The following TLR8 variants were observed in gnomAD, a reference collection of about 807,000 sequenced individuals.
The protein encoded by TLR8 is toll like receptor 8.
In TLR8, 5 loss-of-function variants were observed where a neutral mutation model predicts 18.5. That is an observed-to-expected ratio of 0.27 (90% confidence interval 0.14 to 0.57). TLR8 has a LOEUF of 0.57. Among genes scored for constraint, TLR8 ranks in the 20% least tolerant of loss-of-function variants. The pLI is 0.92. For missense variants in TLR8, 543 were observed against 769.8 expected (o/e 0.71, Z 3.49); for synonymous variants, 299 against 300.1 (o/e 1.00, Z 0.04).
At chrX:12,906,851 C>A in intron 1 of TLR8, 142 bp downstream of exon 1, 1 of 477,238 alleles carries the variant, frequency 2.1e-6, no homozygotes, top group Non-Finnish European at 3.2e-6. Flanking sequence ...ATCGAAACAA[C>A]TGTAAATGCA....
Position 12,921,150 on chromosome X carries a change from A to G in TLR8, c.2110A>G (p.Thr704Ala). Residue 704 changes from threonine to alanine, a missense_variant, in exon 2 of 2, where the codon ACT (threonine) becomes GCT (alanine). By Grantham distance (58) the Thr-to-Ala change is moderately conservative (BLOSUM62 0). Around this residue, in one of 4 missense-constraint regions of TLR8, gnomAD observed 227 missense variants for 312.9 expected, o/e 0.73. Transcript: ENST00000218032. Reference sequence around the variant, plus strand: ...ACGTGGAAACAAACTACTCTTTTTAACTGATAGCCTATCTGACTTTACATC... The same window carrying G: ...ACGTGGAAACAAACTACTCTTTTTAGCTGATAGCCTATCTGACTTTACATC... Reference protein sequence around the residue: ...DLRGNKLLFLTDSLSDFTSSL... With the variant: ...DLRGNKLLFLADSLSDFTSSL... 1 of 1,211,485 alleles carries G rather than the reference A, an allele frequency of 8.3e-7. No individual in the cohort carries two copies. The highest frequency in any genetic ancestry group is 1.1e-6 in the Non-Finnish European group (1 of 895,397).
At chrX:12,915,325 G>A (rs1261367429) in intron 1 of TLR8, among the ~76,000 whole-genome samples, 1 of 110,961 alleles carries the variant, frequency 9.0e-6, no homozygotes, top group Non-Finnish European at 1.9e-5. Flanking sequence ...ACCATGCCCC[G>A]CTATTTGTTT....
Position 12,919,404 on chromosome X carries a change from C to T in TLR8, c.364C>T (p.Leu122Phe). 8.3e-7 allele frequency: 1 copy of T among 1,211,364 alleles called. No individual in the cohort carries two copies. The highest frequency in any genetic ancestry group is 1.1e-6 in the Non-Finnish European group (1 of 895,368). ...CTTGAATATCACAGACGGGGCATTCCTCAACCTAAAAAACCTAAGGGAGTT... is the reference window on the plus strand; with the variant it reads ...CTTGAATATCACAGACGGGGCATTCTTCAACCTAAAAAACCTAAGGGAGTT... The part of the protein sequence containing the change: ...NGLNITDGAF[L>F]NLKNLRELLL... Residue 122 changes from leucine to phenylalanine, a missense_variant, in exon 2 of 2, where the codon CTC becomes TTC. This residue lies in a region of TLR8 where 117 missense variants were observed against 111.0 expected (regional missense o/e 1.05). Coordinates refer to ENST00000218032, the MANE Select transcript of TLR8 (RefSeq NM_138636.5).
chrX:12,917,575 T>C (rs1302839240), intron 1 of TLR8, among the ~76,000 whole-genome samples: 9 of 112,375 alleles, frequency 8.0e-5, no homozygotes, highest in Non-Finnish European at 1.7e-4. Context: ...TGAAAGAAGA[T>C]TTGAGAGTTC....
chrX:12,922,007 T>C lies in TLR8; in HGVS notation c.2967T>C (p.Tyr989=), dbSNP rs962889829. 8.3e-7 allele frequency: 1 copy of C among 1,210,305 alleles called. No homozygotes were observed. Among genetic ancestry groups the C allele is most frequent in the African/African-American group, 1.7e-5 (1 of 57,238 alleles). ...LLEPVLQHSQ[Y]LRLRQRICKS... The stretch of plus-strand genomic sequence containing the variant: ...AGCCAGTGTTACAGCATTCTCAGTA[T>C]TTGAGGCTACGGCAGCGGATCTGTA... The change falls in exon 2 of 2, where the codon TAT becomes TAC. Residue 989 remains tyrosine (Y), a synonymous_variant. Transcript: ENST00000218032.
intron 1 of TLR8, chrX:12,910,238 T>C (rs771336512): frequency 1.9e-6 from 2 of 1,028,006 alleles, no homozygotes; most frequent in Admixed American, 4.1e-5. Context: ...TCTGGTTGAA[T>C]CCAAACATTG....
intron 1 of TLR8, chrX:12,910,589 T>G (rs5744045): frequency 2.7e-5 from 17 of 621,687 alleles, no homozygotes; most frequent in Middle Eastern, 5.2e-4. Flanking sequence ...GCTGCAGCCC[T>G]CCCCTTCAGG....
At chrX:12,918,409 A>G (rs970674838) in intron 1 of TLR8, among the ~76,000 whole-genome samples, 2 of 112,185 alleles carry the variant, frequency 1.8e-5, no homozygotes, top group African/African-American at 6.5e-5. Flanking sequence ...TAGACTTACT[A>G]TAAACCATAG....
rs2043107766 is a variant in TLR8 at position 12,923,122 on chromosome X, A to G, written c.*956A>G. On this transcript the variant is annotated 3_prime_UTR_variant, in exon 2 of 2. Transcript: ENST00000218032. ...CTTTTGGTCTATATTGTTAATTGCCATTGCTGTAAATCTTAAAATGAATGA... is the reference window on the plus strand; with the variant it reads ...CTTTTGGTCTATATTGTTAATTGCCGTTGCTGTAAATCTTAAAATGAATGA... 1 of 112,013 alleles carries G rather than the reference A, an allele frequency of 8.9e-6. No individual in the cohort carries two copies. Among genetic ancestry groups the G allele is most frequent in the Non-Finnish European group, 1.9e-5 (1 of 53,223 alleles). The allele number at this position is 112,013 out of a possible 1,213,427, so 9.2% of individuals were successfully genotyped here.
rs1041574777 is a variant in TLR8, at chrX:12,922,494, CA to C, written c.*330del. 1 of 190,289 alleles carries C rather than the reference CA, an allele frequency of 5.3e-6. No individual in the cohort carries two copies. The highest frequency in any genetic ancestry group is 3.0e-5 in the African/African-American group (1 of 33,775). The allele number at this position is 190,289 out of a possible 1,213,427, so 15.7% of individuals were successfully genotyped here. On this transcript the variant is annotated 3_prime_UTR_variant, in exon 2 of 2. Transcript: ENST00000218032. ...ATGTAAGCCATGCGAGCCTCTCCCA[CA>C]AGGCAGCTTGCTTCATCAGAGCTAG...
intron 1 of TLR8, among the ~76,000 whole-genome samples, chrX:12,909,838 G>C (rs375327793): frequency 7.1e-5 from 8 of 112,095 alleles, no homozygotes; most frequent in African/African-American, 2.3e-4. Flanking sequence ...TAAAGCAGGG[G>C]CCTCATGGAC....
rs758149498 is a variant in TLR8, at chrX:12,917,104, T to C, written c.4-1940T>C. ...TATGATTAGACTAAGCCCATCCAGATAAATTCCCATATGCCATATACTATA... is the reference window on the plus strand; with the variant it reads ...TATGATTAGACTAAGCCCATCCAGACAAATTCCCATATGCCATATACTATA... On this transcript the variant is annotated intron_variant, in intron 1 of 1. Transcript: ENST00000218032. Among the ~76,000 whole-genome samples the C allele has an allele frequency of 6.2e-5, 7 of 112,179 alleles. No homozygotes were observed. In the South Asian group the frequency reaches 2.6e-3, roughly 41 times the overall value.
chrX:12,911,855 A>C (rs1308146385), intron 1 of TLR8, among the ~76,000 whole-genome samples: 1 of 113,011 alleles, frequency 8.8e-6, no homozygotes, highest in Non-Finnish European at 1.9e-5. Flanking sequence ...ACAGGGCTGT[A>C]GGCTTCAGCC....
Position 12,922,278 on chromosome X carries a change from C to A in TLR8, c.*112C>A. On this transcript the variant is annotated 3_prime_UTR_variant, in exon 2 of 2. Coordinates refer to ENST00000218032, the MANE Select transcript of TLR8 (RefSeq NM_138636.5). ...TATCCCAAAACTTAGTGGTTTAAAA[C>A]AACACATTTGCTGGCCCACAGTTTT... is the stretch of plus-strand genomic sequence containing the variant. 1 of 1,009,211 alleles carries A rather than the reference C, an allele frequency of 9.9e-7. No homozygotes were observed. The highest frequency in any genetic ancestry group is 1.3e-6 in the Non-Finnish European group (1 of 755,502). 83.2% of individuals were successfully genotyped at this position (1,009,211 alleles called of 1,213,427 possible).
intron 1 of TLR8, among the ~76,000 whole-genome samples, chrX:12,906,967 C>T (rs1038965166): frequency 1.8e-5 from 2 of 112,045 alleles, no homozygotes; most frequent in Admixed American, 9.4e-5. Context: ...CTAATTTGGA[C>T]AGGAAAATAA....
intron 1 of TLR8, among the ~76,000 whole-genome samples, chrX:12,913,490 T>A (rs772970405): frequency 1.8e-5 from 2 of 113,044 alleles, no homozygotes; most frequent in South Asian, 7.1e-4. Context: ...ATCTGCCTAA[T>A]AAATATTTAA....
chrX:12,916,172 G>A (rs1248164832), intron 1 of TLR8, among the ~76,000 whole-genome samples: 1 of 111,706 alleles, frequency 9.0e-6, no homozygotes, highest in African/African-American at 3.3e-5. Flanking sequence ...TTCCCCAGTT[G>A]CCTTGACTAG....
chrX:12,919,151 T>G lies in TLR8; in HGVS notation c.111T>G (p.Asp37Glu), dbSNP rs777910070. The change falls in exon 2 of 2, where the codon GAT becomes GAG. Residue 37 changes from aspartate (D) to glutamate (E), a missense_variant. By Grantham distance (45) the Asp-to-Glu change is conservative. Transcript: ENST00000218032. ...EENFSRSYPCDEKKQNDSVIA... is the reference protein window; with the variant it reads ...EENFSRSYPCEEKKQNDSVIA... ...ATTTTTCTAGAAGCTATCCTTGTGA[T>G]GAGAAAAAGCAAAATGACTCAGTTA... is the stretch of plus-strand genomic sequence containing the variant. 3.3e-5 allele frequency: 40 copies of G among 1,210,592 alleles called. No individual in the cohort carries two copies. Among genetic ancestry groups the G allele is most frequent in the Non-Finnish European group, 4.4e-5 (39 of 895,431 alleles).
chrX:12,918,318 ACT>A (rs999987859), intron 1 of TLR8, among the ~76,000 whole-genome samples: 1 of 111,062 alleles, frequency 9.0e-6, no homozygotes, highest in Non-Finnish European at 1.9e-5. Context: ...TTGCATCTGA[ACT>A]CTCCTTGGGG....
Sources: gnomAD v4.1 joint callset for allele counts (sites outside exome capture counted in the v4.1 genomes callset) on GRCh38, gnomAD v4.1.1 for gene constraint, gnomAD v4.1.1 regional missense constraint, MANE v1.5 for transcripts, NCBI Gene and HGNC (gene_info 2026-07-23, HGNC 2026-07-21) for gene names.